The following TMED10 variants were observed in gnomAD, a reference collection of about 807,000 sequenced individuals.
The protein encoded by TMED10 is transmembrane emp24 domain-containing protein 10.
A neutral mutation model predicts 23.1 loss-of-function variants in TMED10; 7 were observed. That is an observed-to-expected ratio of 0.30 (90% CI 0.17 to 0.57). The LOEUF (loss-of-function observed/expected upper bound fraction) is 0.57. Among genes scored for constraint, TMED10 ranks in the 20% least tolerant of loss-of-function variants. TMED10 has a pLI of 0.91. For missense variants in TMED10, 162 were observed against 274.8 expected, an observed-to-expected ratio of 0.59 and a Z score of 2.90; for synonymous variants, 113 against 106.9, an observed-to-expected ratio of 1.06 and a Z score of -0.35.
At chr14:75,151,831 TTC>T (rs1895959182) in intron 2 of TMED10, among the ~76,000 whole-genome samples, 199 bp downstream of exon 2, 1 of 152,216 alleles carries the variant, frequency 6.6e-6, no homozygotes, top group Non-Finnish European at 1.5e-5. Flanking sequence ...GCCCTAAAAA[TTC>T]TCTCTGTTCC....
chr14:75,161,457 C>T (rs1896084144), intron 1 of TMED10, among the ~76,000 whole-genome samples: 1 of 152,076 alleles, frequency 6.6e-6, no homozygotes, highest in Admixed American at 6.5e-5. Context: ...ACTAAAGAGA[C>T]ATCATTTGTT....
chr14:75,175,735 TATA>T (rs1027117747), intron 1 of TMED10, among the ~76,000 whole-genome samples: 1 of 151,266 alleles, frequency 6.6e-6, no homozygotes, highest in African/African-American at 2.4e-5. Context: ...GAACTTAAAG[TATA>T]ATAATAATTT....
chr14:75,131,672 T>TA lies in TMED10; in HGVS notation c.*3212dup, dbSNP rs1895686608. The stretch of plus-strand genomic sequence containing the variant: ...ATATTATACAGACCATTTTGGATAA[T>TA]ATGCTCAAAAATGGAGGAAAGCACA... On this transcript the variant is annotated 3_prime_UTR_variant, in exon 5 of 5. Coordinates refer to ENST00000303575, the MANE Select transcript of TMED10 (RefSeq NM_006827.6). 1 of 152,536 alleles carries TA rather than the reference T, an allele frequency of 6.6e-6. No individual in the cohort carries two copies. The highest frequency in any genetic ancestry group is 1.5e-5 in the Non-Finnish European group (1 of 68,050). The allele number at this position is 152,536 out of a possible 1,614,324, so 9.4% of individuals were successfully genotyped here. A position where few individuals can be genotyped will look rare whatever the true frequency, so the allele number is the denominator to read the frequency against.
At chr14:75,147,002 T>G (rs1002074064) in intron 3 of TMED10, among the ~76,000 whole-genome samples, 1 of 152,162 alleles carries the variant, frequency 6.6e-6, no homozygotes, top group Non-Finnish European at 1.5e-5. Context: ...TCACTTTTCT[T>G]AACCTTGGGC....
At chr14:75,170,642 T>TA (rs1896222034) in intron 1 of TMED10, among the ~76,000 whole-genome samples, 1 of 152,066 alleles carries the variant, frequency 6.6e-6, no homozygotes, top group South Asian at 2.1e-4. Flanking sequence ...TTCAGTAAAA[T>TA]ACTTTAAAAA....
At chr14:75,148,920 A>C (rs554995890) in intron 2 of TMED10, among the ~76,000 whole-genome samples, 1 of 152,324 alleles carries the variant, frequency 6.6e-6, no homozygotes, top group African/African-American at 2.4e-5. Flanking sequence ...TTAATTAAAA[A>C]AAATTTTTTG....
chr14:75,133,893 T>C lies in TMED10; in HGVS notation c.*992A>G, dbSNP rs1895716705. ...AATCTGTACTTATACCCCCTAAATA[T>C]ATAAAACATTTTTAAAAGAAAAAAA... On this transcript the variant is annotated 3_prime_UTR_variant, in exon 5 of 5. Coordinates refer to ENST00000303575, the MANE Select transcript of TMED10 (RefSeq NM_006827.6). 6.2e-6 allele frequency: 2 copies of C among 321,134 alleles called. No individual in the cohort carries two copies. The highest frequency in any genetic ancestry group is 2.3e-5 in the African/African-American group (1 of 42,986). 19.9% of individuals were successfully genotyped at this position (321,134 alleles called of 1,614,324 possible). A position where few individuals can be genotyped will look rare whatever the true frequency, so the allele number is the denominator to read the frequency against.
In TMED10 at chr14:75,176,547, G is replaced by T. The variant is rs374961153; in HGVS notation, c.33C>A (p.Arg11=). MSGLSGPPAR[R]GPFPLALLLL... ...GCAGCAACGCTAACGGAAAAGGGCC[G>T]CGCCGGGCTGGTGGGCCAGACAAAC... is the stretch of plus-strand genomic sequence containing the variant. Residue 11 remains arginine, a synonymous_variant, in exon 1 of 5, where the codon CGC becomes CGA. Transcript: ENST00000303575. 1 of 1,614,046 alleles carries T rather than the reference G, an allele frequency of 6.2e-7. No homozygotes were observed. Among genetic ancestry groups the T allele is most frequent in the South Asian group, 1.1e-5 (1 of 91,082 alleles).
intron 2 of TMED10, among the ~76,000 whole-genome samples, chr14:75,151,463 C>T (rs1051775427): frequency 1.3e-5 from 2 of 152,202 alleles, no homozygotes; most frequent in African/African-American, 4.8e-5. Flanking sequence ...CAGTGATCTG[C>T]CTGCCTTGGC....
At chr14:75,167,095 C>T (rs76711987) in intron 1 of TMED10, among the ~76,000 whole-genome samples, 1 of 151,950 alleles carries the variant, frequency 6.6e-6, no homozygotes, top group Non-Finnish European at 1.5e-5. Flanking sequence ...GTGCACACTA[C>T]CACGCCTGGC....
At chr14:75,136,742 CT>C (rs1387350903) in intron 3 of TMED10, 1 of 152,134 alleles carries the variant, frequency 6.6e-6, no homozygotes, top group Non-Finnish European at 1.5e-5. Flanking sequence ...GAAAACTGCA[CT>C]GAATTTTTTA....
intron 1 of TMED10, 148 bp downstream of exon 1, chr14:75,176,207 G>A (rs1173698251): frequency 1.1e-6 from 1 of 947,626 alleles, no homozygotes; most frequent in Non-Finnish European, 1.5e-6. Context: ...AGCGGGGTGA[G>A]GGGGCGGGCT....
At chr14:75,145,704 G>A (rs373110521) in intron 3 of TMED10, among the ~76,000 whole-genome samples, 2 of 152,060 alleles carry the variant, frequency 1.3e-5, no homozygotes, top group African/African-American at 4.8e-5. Context: ...GGAGAATGGC[G>A]TGAACCCGGG....
chr14:75,148,791 T>C lies in TMED10; in HGVS notation c.338-1054A>G, dbSNP rs191478688. 4.6e-5 allele frequency among the ~76,000 whole-genome samples: 7 copies of C among 152,328 alleles called. No homozygotes were observed. The East Asian group carries it at 1.2e-3, about 25-fold the overall frequency. On this transcript the variant is annotated intron_variant, in intron 2 of 4. Coordinates refer to ENST00000303575, the MANE Select transcript of TMED10 (RefSeq NM_006827.6). ...GAAAACTCACTAAGTACTAAAACTG[T>C]GCTGGAGATTTTAAAGAGATATGCT...
intron 2 of TMED10, among the ~76,000 whole-genome samples, chr14:75,151,007 A>G (rs960000889): frequency 6.6e-6 from 1 of 151,672 alleles, no homozygotes; most frequent in African/African-American, 2.4e-5. Context: ...GGTTCAAACA[A>G]TTCTCCTGCC....
chr14:75,165,439 G>A (rs1277050811), intron 1 of TMED10, among the ~76,000 whole-genome samples: 4 of 152,052 alleles, frequency 2.6e-5, no homozygotes, highest in Non-Finnish European at 5.9e-5. Flanking sequence ...TGTTGGCCAG[G>A]CTGGTCTCGA....
intron 1 of TMED10, among the ~76,000 whole-genome samples, chr14:75,175,326 T>C (rs1896289756): frequency 6.6e-6 from 1 of 152,192 alleles, no homozygotes; most frequent in Non-Finnish European, 1.5e-5. Flanking sequence ...GATTCTGGCA[T>C]ACCAAAGAAA....
intron 3 of TMED10, among the ~76,000 whole-genome samples, chr14:75,138,352 G>A (rs10133689): frequency 0.098 from 14,881 of 152,218 alleles, 889 homozygotes; most frequent in East Asian, 0.19. Flanking sequence ...ATTTTCTTGC[G>A]TTTGTAAAAT....
intron 2 of TMED10, among the ~76,000 whole-genome samples, chr14:75,150,176 T>C (rs929625896): frequency 3.9e-5 from 6 of 152,186 alleles, no homozygotes; most frequent in African/African-American, 1.4e-4. Context: ...TAAATAAGAC[T>C]GCACAGGGTA....
Sources: allele counts gnomAD v4.1 joint callset (sites outside exome capture counted in the v4.1 genomes callset), GRCh38; gene constraint gnomAD v4.1.1; transcripts MANE v1.5; gene names NCBI Gene and HGNC (gene_info 2026-07-23, HGNC 2026-07-21).